The following SEMA4F variants were observed in gnomAD, a reference collection of about 807,000 sequenced individuals.
SEMA4F encodes the protein ssemaphorin 4F.
In SEMA4F, 51 loss-of-function variants were observed where a neutral mutation model predicts 78.4. That is an observed-to-expected ratio of 0.65 (90% CI 0.52 to 0.82). SEMA4F has a LOEUF of 0.82. SEMA4F is among the 40% of genes least tolerant of loss of function. The probability of loss-of-function intolerance (pLI) is 0.00; values close to 1 mark genes in which losing one functional copy is unlikely to be tolerated. For synonymous variants in SEMA4F, 418 were observed against 408.7 expected (o/e 1.02, Z -0.27); for missense variants, 938 against 1,014.4 (o/e 0.92, Z 1.02).
At position 74,654,381 on chromosome 2, in the gene SEMA4F, C is replaced by T. The variant is rs758208597; in HGVS notation, c.5C>T (p.Pro2Leu). The T allele has an allele frequency of 1.9e-5, 28 of 1,505,960 alleles. No homozygotes were observed. Among genetic ancestry groups the T allele is most frequent in the Middle Eastern group, 2.3e-4 (1 of 4,332 alleles). 93.3% of individuals were successfully genotyped at this position (1,505,960 alleles called of 1,614,324 possible). Residue 2 changes from proline to leucine, a missense_variant, in exon 1 of 14, where the codon CCG becomes CTG. Pro to Leu is a moderately conservative substitution (Grantham distance 98). Coordinates refer to ENST00000357877, the MANE Select transcript of SEMA4F (RefSeq NM_004263.5). MPASAARPRPGP... is the reference protein window; with the variant it reads MLASAARPRPGP... ...CGCGGCCAGGCGGAGCCAAAGATGC[C>T]GGCCTCTGCTGCGCGGCCCCGCCCG...
chr2:74,701,949 AC>A, the SEMA4F span, among the ~76,000 whole-genome samples: 1 of 152,190 alleles, frequency 6.6e-6, no homozygotes, highest in Non-Finnish European at 1.5e-5. Context: ...AATTGATCAC[AC>A]ATACACTCAT....
chr2:74,688,467 G>A (rs930318748), downstream of SEMA4F, among the ~76,000 whole-genome samples: 1 of 152,056 alleles, frequency 6.6e-6, no homozygotes, highest in African/African-American at 2.4e-5. Context: ...TGAGCTTTTA[G>A]AAATCAGTAA....
chr2:74,672,900 A>G (rs574584235), intron 5 of SEMA4F, among the ~76,000 whole-genome samples: 2 of 152,174 alleles, frequency 1.3e-5, no homozygotes, highest in Non-Finnish European at 2.9e-5. Context: ...TTCTTGAGCC[A>G]AGCCCAGCTC....
At chr2:74,662,002 T>A (rs979135547) in intron 4 of SEMA4F, among the ~76,000 whole-genome samples, 5 of 152,240 alleles carry the variant, frequency 3.3e-5, no homozygotes, top group Non-Finnish European at 5.9e-5. Flanking sequence ...TGCCAAATGC[T>A]AGACTAAGGT....
chr2:74,672,718 T>C (rs1377538198), intron 5 of SEMA4F, among the ~76,000 whole-genome samples: 1 of 152,170 alleles, frequency 6.6e-6, no homozygotes, highest in Non-Finnish European at 1.5e-5. Context: ...CAGTCTCCAC[T>C]ATCCCTGGAG....
intron 5 of SEMA4F, 60 bp downstream of exon 5, chr2:74,662,885 G>A: frequency 7.3e-7 from 1 of 1,376,580 alleles, no homozygotes; most frequent in Non-Finnish European, 1.0e-6. Context: ...CCCCACCCTT[G>A]CTGTTAGAAT....
At chr2:74,655,302 C>A in intron 1 of SEMA4F, 1 of 403,824 alleles carries the variant, frequency 2.5e-6, no homozygotes. Flanking sequence ...GGGATATGAT[C>A]CTTTGAAAAG....
chr2:74,688,899 T>C, the SEMA4F span, among the ~76,000 whole-genome samples: 1 of 151,998 alleles, frequency 6.6e-6, no homozygotes, highest in South Asian at 2.1e-4. Flanking sequence ...GATTGGGGGG[T>C]GTTCATTAAA....
chr2:74,686,600 T>A (rs1685828026), downstream of SEMA4F, among the ~76,000 whole-genome samples: 1 of 152,240 alleles, frequency 6.6e-6, no homozygotes, highest in Non-Finnish European at 1.5e-5. Flanking sequence ...GTGGCACTAT[T>A]CACAATAGCA....
In SEMA4F at chr2:74,673,445, G is replaced by C; in HGVS notation, c.551-12G>C. 6.2e-7 allele frequency: 1 copy of C among 1,613,776 alleles called. No homozygotes were observed. The highest frequency in any genetic ancestry group is 8.5e-7 in the Non-Finnish European group (1 of 1,179,876). On this transcript the variant is annotated splice_polypyrimidine_tract_variant and intron_variant, in intron 5 of 13. Transcript: ENST00000357877. ...GTCCCTGATAGCCCATCTCCTCCCT[G>C]TCGCCCTGCAGGGGGGGTCCTCTAT...
chr2:74,670,427 C>A (rs1573248173), intron 5 of SEMA4F, among the ~76,000 whole-genome samples: 2 of 152,158 alleles, frequency 1.3e-5, no homozygotes, highest in East Asian at 3.8e-4. Context: ...GTCAGTGATC[C>A]TTGGCTGTTC....
intron 5 of SEMA4F, among the ~76,000 whole-genome samples, chr2:74,667,582 C>T (rs1487705281): frequency 1.3e-5 from 2 of 152,144 alleles, no homozygotes; most frequent in East Asian, 1.9e-4. Context: ...TTGGGAAAGC[C>T]TCCGAAATCT....
chr2:74,674,368 C>G lies in SEMA4F; in HGVS notation c.823-130C>G, dbSNP rs539738983. 4.5e-5 allele frequency: 34 copies of G among 758,340 alleles called. No homozygotes were observed. In the African/African-American group the frequency reaches 6.0e-4, roughly 13 times the overall value. 47.0% of individuals were successfully genotyped at this position (758,340 alleles called of 1,614,324 possible). ...TACTCTGTGTGGCTCTCTGTCCTTG[C>G]ATTTGTATGTATCTGTCTCCCCATC... is the stretch of plus-strand genomic sequence containing the variant. On this transcript the variant is annotated intron_variant, in intron 7 of 13. Coordinates refer to ENST00000357877, the MANE Select transcript of SEMA4F (RefSeq NM_004263.5).
Position 74,680,482 on chromosome 2 carries a change from C to A in SEMA4F, c.*273C>A. On this transcript the variant is annotated 3_prime_UTR_variant, in exon 14 of 14. Coordinates refer to ENST00000357877, the MANE Select transcript of SEMA4F (RefSeq NM_004263.5). ...ATCTGAACTCCTGTAAACCTTCATC[C>A]CTGGCCCCCTATCTTGGGCCCATTA... The A allele has an allele frequency of 2.8e-6, 1 of 358,092 alleles. No individual in the cohort carries two copies. Among genetic ancestry groups the A allele is most frequent in the Non-Finnish European group, 5.0e-6 (1 of 199,142 alleles). The allele number at this position is 358,092 out of a possible 1,614,324, so 22.2% of individuals were successfully genotyped here.
At chr2:74,657,658 A>G (rs1173961937) in intron 3 of SEMA4F, 34 bp downstream of exon 3, 3 of 1,606,304 alleles carry the variant, frequency 1.9e-6, no homozygotes, top group Admixed American at 1.7e-5. Context: ...CTTGAGTGTC[A>G]GTTGAGACCT....
At chr2:74,687,882 T>G (rs1396868214), downstream of SEMA4F, among the ~76,000 whole-genome samples, 1 of 152,194 alleles carries the variant, frequency 6.6e-6, no homozygotes, top group Non-Finnish European at 1.5e-5. Context: ...CTCTGCTCTT[T>G]CTTTCAGAGT....
chr2:74,687,009 A>G (rs1685837610), downstream of SEMA4F, among the ~76,000 whole-genome samples: 1 of 152,266 alleles, frequency 6.6e-6, no homozygotes, highest in Non-Finnish European at 1.5e-5. Context: ...AAGAAAAGAA[A>G]ACTAAAGATA....
chr2:74,672,984 A>C (rs536956583), intron 5 of SEMA4F, among the ~76,000 whole-genome samples: 1 of 152,194 alleles, frequency 6.6e-6, no homozygotes, highest in Non-Finnish European at 1.5e-5. Flanking sequence ...ATTCTCTAAA[A>C]TCGTGACTTG....
intron 5 of SEMA4F, among the ~76,000 whole-genome samples, chr2:74,666,209 A>G (rs1404032871): frequency 1.3e-5 from 2 of 152,168 alleles, no homozygotes; most frequent in Non-Finnish European, 2.9e-5. Flanking sequence ...CCTGGCCTCA[A>G]GCAGTAATCT....
Sources: gnomAD v4.1 joint callset for allele counts (sites outside exome capture counted in the v4.1 genomes callset) on GRCh38, gnomAD v4.1.1 for gene constraint, MANE v1.5 for transcripts, NCBI Gene and HGNC (gene_info 2026-07-23, HGNC 2026-07-21) for gene names.